The following IQSEC1 variants were observed in gnomAD, a reference collection of about 807,000 sequenced individuals.
IQSEC1 encodes the protein IQ motif and SEC7 domain-containing protein 1.
In IQSEC1, 31 loss-of-function variants were observed where a neutral mutation model predicts 91.0. The observed-to-expected ratio is 0.34, with a 90% confidence interval of 0.26 to 0.46. IQSEC1 has a LOEUF of 0.46. IQSEC1 is among the 20% of genes least tolerant of loss of function. The pLI, the probability that IQSEC1 is intolerant of heterozygous loss-of-function variation, is 1.00. For synonymous variants in IQSEC1, 699 were observed against 662.6 expected (o/e 1.05, Z -0.84); for missense variants, 1,388 against 1,575.6 (o/e 0.88, Z 2.02).
At chr3:13,209,099 C>T (rs778794855) in intron 1 of IQSEC1, among the ~76,000 whole-genome samples, 1 of 152,200 alleles carries the variant, frequency 6.6e-6, no homozygotes, top group Non-Finnish European at 1.5e-5. Context: ...GGCTGTTGTC[C>T]CTTTGGCTGA....
At chr3:12,938,045 T>A (rs138086457) in intron 2 of IQSEC1, among the ~76,000 whole-genome samples, 1 of 152,212 alleles carries the variant, frequency 6.6e-6, no homozygotes, top group East Asian at 1.9e-4. Flanking sequence ...GGCCACTCCC[T>A]GCACCTTGCT....
intron 1 of IQSEC1, among the ~76,000 whole-genome samples, chr3:13,208,152 G>A (rs543571566): frequency 3.3e-5 from 5 of 150,376 alleles, no homozygotes; most frequent in East Asian, 3.9e-4. Context: ...AACAATGAGC[G>A]ACAAGACACT....
chr3:13,167,205 C>A (rs983257250), intron 1 of IQSEC1, among the ~76,000 whole-genome samples: 5 of 152,172 alleles, frequency 3.3e-5, no homozygotes, highest in Non-Finnish European at 5.9e-5. Flanking sequence ...ACAGGATGAT[C>A]CCCGATGCTT....
At chr3:12,904,541 C>G (rs747296205) in intron 12 of IQSEC1, among the ~76,000 whole-genome samples, 19 of 152,206 alleles carry the variant, frequency 1.2e-4, no homozygotes, top group Non-Finnish European at 2.4e-4. Flanking sequence ...CACAGTGGTC[C>G]AGGGACATGG....
intron 1 of IQSEC1, among the ~76,000 whole-genome samples, chr3:12,954,710 T>C (rs1699787831): frequency 6.6e-6 from 1 of 152,222 alleles, no homozygotes; most frequent in Admixed American, 6.5e-5. Context: ...CACTGAAGTT[T>C]CCACAGTGCC....
chr3:13,220,839 C>G (rs990479674), intron 1 of IQSEC1, among the ~76,000 whole-genome samples: 2 of 152,236 alleles, frequency 1.3e-5, no homozygotes, highest in African/African-American at 2.4e-5. Context: ...CTCACATATC[C>G]ACTGGCATCT....
chr3:13,246,921 T>C (rs958538183), intron 1 of IQSEC1, among the ~76,000 whole-genome samples: 4 of 152,040 alleles, frequency 2.6e-5, no homozygotes, highest in African/African-American at 9.7e-5. Flanking sequence ...GGCTTCTTGC[T>C]CTCCCAATTC....
chr3:12,899,876 T>G lies in IQSEC1; in HGVS notation c.*1107A>C. 1.0e-6 allele frequency: 1 copy of G among 985,216 alleles called. No individual in the cohort carries two copies. Among genetic ancestry groups the G allele is most frequent in the Non-Finnish European group, 1.2e-6 (1 of 829,884 alleles). The allele number at this position is 985,216 out of a possible 1,614,324, so 61.0% of individuals were successfully genotyped here. ...GGAGACGAGGATGAGAGCTGGTCACTTTCATGTTGGAGATGAACACTTCTG... is the reference window on the plus strand; with the variant it reads ...GGAGACGAGGATGAGAGCTGGTCACGTTCATGTTGGAGATGAACACTTCTG... On this transcript the variant is annotated 3_prime_UTR_variant, in exon 14 of 14. Coordinates refer to ENST00000613206, the MANE Select transcript of IQSEC1 (RefSeq NM_001134382.3).
chr3:13,266,799 G>T (rs1229320200), intron 1 of IQSEC1, among the ~76,000 whole-genome samples: 1 of 152,046 alleles, frequency 6.6e-6, no homozygotes, highest in Admixed American at 6.5e-5. Context: ...AACAACGCTC[G>T]CTGCCTCCTC....
intron 2 of IQSEC1, among the ~76,000 whole-genome samples, chr3:13,131,774 GCAGCCAGCCAA>G (rs1221385332): frequency 1.3e-5 from 2 of 152,124 alleles, no homozygotes; most frequent in African/African-American, 4.8e-5. Flanking sequence ...GGTGTGCACT[GCAGCCAGCCAA>G]GGTTTAAACC....
In IQSEC1 at chr3:12,915,707, G is replaced by C. The variant is rs200895339; in HGVS notation, c.2047C>G (p.Arg683Gly). ...TCATAGATCCCCATCAGCATCTCAC[G>C]GGGAATGTCCTCACCATCGTCCACA... ...RGVDDGEDIP[R>G]EMLMGIYERI... Residue 683 changes from arginine to glycine, a missense_variant, in exon 7 of 14, where the codon CGT (arginine) becomes GGT (glycine). By Grantham distance (125) the Arg-to-Gly change is moderately radical. This residue lies in a region of IQSEC1 where 1,059 missense variants were observed against 1,317.8 expected (regional missense o/e 0.80). Transcript: ENST00000613206. The C allele has an allele frequency of 6.2e-7, 1 of 1,614,122 alleles. No homozygotes were observed. The highest frequency in any genetic ancestry group is 8.5e-7 in the Non-Finnish European group (1 of 1,180,006).
intron 1 of IQSEC1, among the ~76,000 whole-genome samples, chr3:13,255,338 C>T (rs2125122040): frequency 6.6e-6 from 1 of 152,254 alleles, no homozygotes; most frequent in African/African-American, 2.4e-5. Flanking sequence ...CTGAGGACAC[C>T]TGAAGGGCCC....
chr3:13,000,715 G>A (rs1449494724), intron 1 of IQSEC1, among the ~76,000 whole-genome samples: 2 of 152,218 alleles, frequency 1.3e-5, no homozygotes, highest in African/African-American at 4.8e-5. Context: ...GGGGAGAGTA[G>A]GCACTGTGGA....
intron 1 of IQSEC1, among the ~76,000 whole-genome samples, chr3:13,197,168 C>G (rs1694144992): frequency 6.6e-6 from 1 of 152,180 alleles, no homozygotes; most frequent in Non-Finnish European, 1.5e-5. Flanking sequence ...GACATCTGAA[C>G]AGATATCCCC....
rs946572728 is a variant in IQSEC1 at position 13,120,498 on chromosome 3, C to A, written c.302+43606G>T. ...AAGTAACCTCTCTGGGCTCCGTGTA[C>A]TCCTCCCTAAGGCCTGCACGTGGTA... On this transcript the variant is annotated intron_variant, in intron 2 of 15. Coordinates refer to the IQSEC1 transcript ENST00000648114. Among the ~76,000 whole-genome samples, 5 of 152,320 alleles carry A rather than the reference C, an allele frequency of 3.3e-5. No homozygotes were observed. The East Asian group carries it at 9.6e-4, about 29-fold the overall frequency.
upstream of IQSEC1, among the ~76,000 whole-genome samples, chr3:13,076,150 G>A (rs1181182470): frequency 6.6e-6 from 1 of 152,176 alleles, no homozygotes; most frequent in Admixed American, 6.5e-5. Flanking sequence ...CCAGCCTTGG[G>A]GTTGCTGCCC....
At chr3:12,990,317 T>C (rs1701929753) in intron 1 of IQSEC1, among the ~76,000 whole-genome samples, 1 of 152,192 alleles carries the variant, frequency 6.6e-6, no homozygotes, top group Non-Finnish European at 1.5e-5. Flanking sequence ...CTCACTGCCT[T>C]CTAAGGCAGC....
At chr3:12,986,748 G>A (rs1701756075) in intron 1 of IQSEC1, among the ~76,000 whole-genome samples, 1 of 152,216 alleles carries the variant, frequency 6.6e-6, no homozygotes, top group African/African-American at 2.4e-5. Flanking sequence ...AGGACGAGGA[G>A]CTGGGACGAG....
chr3:12,965,301 A>AG (rs538647647), intron 1 of IQSEC1, among the ~76,000 whole-genome samples: 340 of 152,316 alleles, frequency 2.2e-3, no homozygotes, highest in Non-Finnish European at 3.6e-3. Context: ...TTACAGACTA[A>AG]GGGGGGTCCC....
Sources: allele counts gnomAD v4.1 joint callset (sites outside exome capture counted in the v4.1 genomes callset), GRCh38; gene constraint gnomAD v4.1.1; regional missense constraint gnomAD v4.1.1; transcripts MANE v1.5; gene names NCBI Gene and HGNC (gene_info 2026-07-23, HGNC 2026-07-21).